The following POU2AF3 variants were observed in gnomAD, a reference collection of about 807,000 sequenced individuals.
The protein encoded by POU2AF3 is POU class 2 homeobox associating factor 3.
the POU2AF3 span, chr11:111,298,826 G>GGGGGCC: frequency 5.1e-6 from 4 of 790,956 alleles, no homozygotes; most frequent in Non-Finnish European, 6.8e-6. Flanking sequence ...CGTACCCCAG[G>GGGGGCC]CCCCCGCCCG....
the POU2AF3 span, chr11:111,298,768 C>T: frequency 8.7e-7 from 1 of 1,143,218 alleles, no homozygotes; most frequent in Non-Finnish European, 1.1e-6. Flanking sequence ...CAGCGCCTGT[C>T]CCGGAGGGCA....
chr11:111,300,169 G>A, the POU2AF3 span: 1 of 348,368 alleles, frequency 2.9e-6, no homozygotes, highest in East Asian at 4.3e-5. Context: ...GTCTGGGTCT[G>A]AAAGCCAAGG....
the POU2AF3 span, chr11:111,298,842 C>CCCCCCAAAA: frequency 8.4e-7 from 1 of 1,184,726 alleles, no homozygotes; most frequent in Non-Finnish European, 1.0e-6. Flanking sequence ...GCCCGCCCTC[C>CCCCCCAAAA]CACGTATCCA....
the POU2AF3 span, among the ~76,000 whole-genome samples, chr11:111,302,963 G>A: frequency 6.6e-6 from 1 of 152,160 alleles, no homozygotes; most frequent in Non-Finnish European, 1.5e-5. Context: ...TTTGTTGAAG[G>A]ATGCCTCTGG....
At chr11:111,308,448 A>G in the POU2AF3 span, 2 of 1,534,626 alleles carry the variant, frequency 1.3e-6, no homozygotes, top group Non-Finnish European at 1.8e-6. Context: ...TAGAAATTAC[A>G]GTAATTCAGA....
At chr11:111,299,346 A>G in the POU2AF3 span, 1 of 989,022 alleles carries the variant, frequency 1.0e-6, no homozygotes, top group Non-Finnish European at 1.2e-6. Flanking sequence ...ACTGCAGGGT[A>G]GTGGTCAGGG....
chr11:111,301,021 G>C, the POU2AF3 span, among the ~76,000 whole-genome samples: 4 of 152,114 alleles, frequency 2.6e-5, no homozygotes, highest in African/African-American at 9.7e-5. Context: ...GCCCCTTCCA[G>C]GATAGCATCT....
chr11:111,299,032 A>G, the POU2AF3 span: 1 of 991,044 alleles, frequency 1.0e-6, no homozygotes, highest in African/African-American at 1.7e-5. Context: ...TCCGGAGCCG[A>G]TCGGGGAACG....
chr11:111,303,623 C>G, the POU2AF3 span, among the ~76,000 whole-genome samples: 1 of 152,294 alleles, frequency 6.6e-6, no homozygotes, highest in Admixed American at 6.5e-5. Flanking sequence ...CCTTCCAAGT[C>G]CTTCAGCTCA....
At chr11:111,304,290 G>C in the POU2AF3 span, among the ~76,000 whole-genome samples, 1 of 149,954 alleles carries the variant, frequency 6.7e-6, no homozygotes, top group Non-Finnish European at 1.5e-5. Context: ...AAAAATAATT[G>C]ACTAAGCCAT....
chr11:111,308,350 C>T, the POU2AF3 span: 3 of 1,551,758 alleles, frequency 1.9e-6, no homozygotes, highest in Non-Finnish European at 2.6e-6. Context: ...TCTACCCGAG[C>T]ACAGACTGTG....
the POU2AF3 span, chr11:111,299,722 G>T: frequency 4.1e-6 from 5 of 1,231,980 alleles, no homozygotes; most frequent in East Asian, 3.2e-5. Flanking sequence ...AGAAAGGGAG[G>T]GGGTAGGGAG....
At chr11:111,306,313 A>G in the POU2AF3 span, 1 of 727,604 alleles carries the variant, frequency 1.4e-6, no homozygotes, top group African/African-American at 1.8e-5. Context: ...GACATAGTAA[A>G]TATTCAGAGT....
chr11:111,305,569 C>CGTAG, the POU2AF3 span, among the ~76,000 whole-genome samples: 1 of 152,156 alleles, frequency 6.6e-6, no homozygotes, highest in African/African-American at 2.4e-5. Context: ...AATGTGTCAC[C>CGTAG]GTAGCTTCAC....
the POU2AF3 span, chr11:111,300,087 G>A: frequency 5.1e-6 from 2 of 389,772 alleles, no homozygotes; most frequent in South Asian, 1.4e-4. Flanking sequence ...TACGTCAGCC[G>A]CCATAATCAG....
chr11:111,306,928 G>A, the POU2AF3 span, among the ~76,000 whole-genome samples: 2 of 152,304 alleles, frequency 1.3e-5, no homozygotes, highest in East Asian at 3.9e-4. Flanking sequence ...TTTTTAAACT[G>A]TAAAGTCAAG....
the POU2AF3 span, among the ~76,000 whole-genome samples, chr11:111,305,349 T>C: frequency 2.0e-5 from 3 of 152,238 alleles, no homozygotes; most frequent in Non-Finnish European, 4.4e-5. Flanking sequence ...GACACTCAAA[T>C]AATGCCTTTG....
At chr11:111,303,486 TCAA>T in the POU2AF3 span, among the ~76,000 whole-genome samples, 1 of 152,108 alleles carries the variant, frequency 6.6e-6, no homozygotes, top group Non-Finnish European at 1.5e-5. Context: ...AAAGATAATA[TCAA>T]GTAGGATATT....
chr11:111,298,771 G>A, the POU2AF3 span: 3 of 1,147,072 alleles, frequency 2.6e-6, no homozygotes, highest in African/African-American at 3.2e-5. Context: ...CGCCTGTCCC[G>A]GAGGGCAGAG....
Sources: gnomAD v4.1 joint callset for allele counts (sites outside exome capture counted in the v4.1 genomes callset) on GRCh38, gnomAD v4.1.1 for gene constraint, MANE v1.5 for transcripts, NCBI Gene and HGNC (gene_info 2026-07-23, HGNC 2026-07-21) for gene names.